SLC15A3: variants seen among roughly 807,000 people sequenced by gnomAD.
The protein encoded by SLC15A3 is osteoclast transporter.
A neutral mutation model predicts 49.2 loss-of-function variants in SLC15A3; 39 were observed. That is an observed-to-expected ratio of 0.79 (90% CI 0.61 to 1.04). The LOEUF is 1.04. Among genes scored for constraint, SLC15A3 ranks in the 50% least tolerant of loss-of-function variants. SLC15A3 has a pLI of 0.00. For synonymous variants in SLC15A3, 339 were observed against 367.0 expected (o/e 0.92, Z 0.87); for missense variants, 758 against 794.8 (o/e 0.95, Z 0.56).
rs1223448662 is a variant in SLC15A3 at position 60,939,465 on chromosome 11, G to A, written c.1435+15C>T. The A allele has an allele frequency of 1.2e-6, 2 of 1,613,078 alleles. No homozygotes were observed. The highest frequency in any genetic ancestry group is 2.2e-5 in the East Asian group (1 of 44,902). On this transcript the variant is annotated intron_variant, in intron 6 of 7. Coordinates refer to ENST00000227880, the MANE Select transcript of SLC15A3 (RefSeq NM_016582.3). Reference sequence around the variant, plus strand: ...CCATCACTGGTGCAGGAGCAGGGGAGGGGATCCAGGGTACCTGGGATGCTG... The same window carrying A: ...CCATCACTGGTGCAGGAGCAGGGGAAGGGATCCAGGGTACCTGGGATGCTG...
At position 60,941,202 on chromosome 11, in the gene SLC15A3, A is replaced by G. The variant is rs1856703304; in HGVS notation, c.1196T>C (p.Leu399Pro). ...LKDRLIDPLL[L>P]RCKLLPSALQ... is the part of the protein sequence containing the mutation. ...AGCAGAGGGAAGCAGCTTGCACCGC[A>G]GCAGTAAAGGGTCGATCAAGCGGTC... The change falls in exon 5 of 8, where the codon CTG (leucine) becomes CCG (proline). Residue 399 changes from leucine (L) to proline (P), a missense_variant. Physicochemically the swap from Leu to Pro is moderately conservative, Grantham distance 98. Around this residue, in one of 3 missense-constraint regions of SLC15A3, gnomAD observed 699 missense variants for 706.7 expected, o/e 0.99. Coordinates refer to ENST00000227880, the MANE Select transcript of SLC15A3 (RefSeq NM_016582.3). 6.2e-7 allele frequency: 1 copy of G among 1,614,186 alleles called. No individual in the cohort carries two copies. Among genetic ancestry groups the G allele is most frequent in the Non-Finnish European group, 8.5e-7 (1 of 1,180,018 alleles).
At chr11:60,942,880 T>C (rs1264482282) in intron 3 of SLC15A3, 2 of 152,272 alleles carry the variant, frequency 1.3e-5, no homozygotes, top group East Asian at 3.9e-4. Context: ...GAAGGGGGTA[T>C]GGAAGGCAAT....
rs2134945402 is a variant in SLC15A3 at position 60,950,928 on chromosome 11, T to G, written c.558+66A>C. On this transcript the variant is annotated intron_variant, in intron 1 of 7. Coordinates refer to ENST00000227880, the MANE Select transcript of SLC15A3 (RefSeq NM_016582.3). ...GGACCTGGTTTGTCCCAGGTCACGC[T>G]GGGGGCCAGCCCTCCTTCCCTCCAC... 3 of 1,368,982 alleles carry G rather than the reference T, an allele frequency of 2.2e-6. No homozygotes were observed. In the East Asian group the frequency reaches 9.2e-5, roughly 42 times the overall value. The allele number at this position is 1,368,982 out of a possible 1,614,324, so 84.8% of individuals were successfully genotyped here. A position where few individuals can be genotyped will look rare whatever the true frequency, so the allele number is the denominator to read the frequency against.
intron 2 of SLC15A3, among the ~76,000 whole-genome samples, chr11:60,944,287 C>T (rs12293273): frequency 6.4e-4 from 98 of 152,182 alleles, no homozygotes; most frequent in African/African-American, 2.3e-3. Flanking sequence ...GAAATCAGTA[C>T]CCTCATCTCC....
At chr11:60,943,573 T>G (rs1856750694) in intron 3 of SLC15A3, 116 bp downstream of exon 3, 1 of 1,187,678 alleles carries the variant, frequency 8.4e-7, no homozygotes, top group Non-Finnish European at 1.1e-6. Flanking sequence ...GCACCTCACT[T>G]TATTCCCAGA....
At position 60,946,732 on chromosome 11, in the gene SLC15A3, C is replaced by A; in HGVS notation, c.648G>T (p.Val216=). The change falls in exon 2 of 8, where the codon GTG becomes GTT. Residue 216 remains valine, a synonymous_variant. Transcript: ENST00000227880. The part of the protein sequence containing the change: ...INLGAVLSLL[V]VAFIQQNISF... ...TGATGTTCTGCTGAATAAACGCCAC[C>A]ACCAGCAGCGACAGCACAGCACCCA... 6.2e-7 allele frequency: 1 copy of A among 1,614,234 alleles called. No individual in the cohort carries two copies. Among genetic ancestry groups the A allele is most frequent in the Non-Finnish European group, 8.5e-7 (1 of 1,180,046 alleles).
In SLC15A3 at chr11:60,943,737, G is replaced by A. The variant is rs376512014; in HGVS notation, c.948C>T (p.Ile316=). ...GCACCAGGGTCACCATGACGGGCAA[G>A]ATCTTCACCAGCACCTGGAAGTTGG... ...DIANFQVLVK[I]LPVMVTLVPY... Residue 316 remains isoleucine (I), a synonymous_variant, in exon 3 of 8, where the codon ATC becomes ATT. Transcript: ENST00000227880. The A allele has an allele frequency of 1.9e-6, 3 of 1,605,164 alleles. No homozygotes were observed. Among genetic ancestry groups the A allele is most frequent in the Non-Finnish European group, 2.6e-6 (3 of 1,175,304 alleles).
chr11:60,941,326 G>C, intron 4 of SLC15A3, 36 bp from the exon 5 acceptor site: 2 of 1,587,926 alleles, frequency 1.3e-6, no homozygotes, highest in South Asian at 2.3e-5. Context: ...CAGGCTAGCA[G>C]AGTGCAAGGA....
intron 4 of SLC15A3, 23 bp downstream of exon 4, chr11:60,942,012 C>T (rs1389551453): frequency 1.1e-5 from 17 of 1,607,088 alleles, no homozygotes; most frequent in Middle Eastern, 1.6e-4. Context: ...AACTGGGTGC[C>T]GAACACATGC....
chr11:60,939,769 A>C, intron 5 of SLC15A3, 131 bp from the exon 6 acceptor site: 2 of 1,091,498 alleles, frequency 1.8e-6, no homozygotes, highest in Non-Finnish European at 1.3e-6. Flanking sequence ...AAGGAAAAGA[A>C]TGCTGGACTG....
At chr11:60,939,236 G>A (rs1208596915) in intron 6 of SLC15A3, among the ~76,000 whole-genome samples, 2 of 152,240 alleles carry the variant, frequency 1.3e-5, no homozygotes, top group African/African-American at 2.4e-5. Context: ...AGGGGAATAC[G>A]TGGAGAGCTG....
intron 6 of SLC15A3, 144 bp downstream of exon 6, chr11:60,939,336 G>T: frequency 2.2e-6 from 2 of 927,856 alleles, no homozygotes; most frequent in Non-Finnish European, 3.2e-6. Flanking sequence ...GACCCCCGTT[G>T]GGTGAATGAG....
rs781245273 is a variant in SLC15A3 at position 60,939,527 on chromosome 11, G to A, written c.1388C>T (p.Pro463Leu). ...ACTGATCCCAATGAGCAGGTACTGA[G>A]GGATCTGCCACCAGATGGACAGTGG... is the stretch of plus-strand genomic sequence containing the variant. ...AAPLSIWWQI[P>L]QYLLIGISEI... Residue 463 changes from proline (P) to leucine (L), a missense_variant, in exon 6 of 8, where the codon CCT (proline) becomes CTT (leucine). Coordinates refer to ENST00000227880, the MANE Select transcript of SLC15A3 (RefSeq NM_016582.3). 1.2e-6 allele frequency: 2 copies of A among 1,614,218 alleles called. No homozygotes were observed. Among genetic ancestry groups the A allele is most frequent in the Non-Finnish European group, 1.7e-6 (2 of 1,180,032 alleles).
In SLC15A3 at chr11:60,937,850, T is replaced by C; in HGVS notation, c.1591+20A>G. 6.2e-7 allele frequency: 1 copy of C among 1,611,064 alleles called. No individual in the cohort carries two copies. On this transcript the variant is annotated intron_variant, in intron 7 of 7. Transcript: ENST00000227880. ...CCTCCCTCCATCCATGTCCCACTCC[T>C]GGGGAGGCCCCATACTCACCAAAGT...
intron 7 of SLC15A3, 138 bp downstream of exon 7, chr11:60,937,732 G>T (rs1417420465): frequency 7.5e-6 from 9 of 1,202,868 alleles, no homozygotes; most frequent in Admixed American, 2.7e-5. Flanking sequence ...GACTGGCCAA[G>T]CCCGGGCTAG....
intron 5 of SLC15A3, chr11:60,939,909 G>A: frequency 2.4e-6 from 1 of 420,200 alleles, no homozygotes; most frequent in East Asian, 4.1e-5. Flanking sequence ...TTATGTGCTA[G>A]GCATTTACCA....
At chr11:60,941,518 G>A in intron 4 of SLC15A3, 1 of 487,772 alleles carries the variant, frequency 2.1e-6, no homozygotes, top group Non-Finnish European at 3.6e-6. Flanking sequence ...GGCTGATTAT[G>A]GAACATTTAT....
Position 60,951,216 on chromosome 11 carries a change from C to A in SLC15A3, c.336G>T (p.Leu112=). Residue 112 remains leucine, a synonymous_variant, in exon 1 of 8, where the codon CTG becomes CTT. Coordinates refer to ENST00000227880, the MANE Select transcript of SLC15A3 (RefSeq NM_016582.3). ...TGGCGGGCAGCAGGCCCGAGGCGGC[C>A]AGGTAGAGCAGCAGGCTGAGCGCGA... ...RAVALSLLLY[L]AASGLLPATA... The A allele has an allele frequency of 2.0e-6, 3 of 1,505,040 alleles. No homozygotes were observed. The highest frequency in any genetic ancestry group is 2.6e-6 in the Non-Finnish European group (3 of 1,132,876). 93.2% of individuals were successfully genotyped at this position (1,505,040 alleles called of 1,614,324 possible). A position where few individuals can be genotyped will look rare whatever the true frequency, so the allele number is the denominator to read the frequency against.
At chr11:60,945,521 C>T (rs1033418805) in intron 2 of SLC15A3, among the ~76,000 whole-genome samples, 24 of 152,242 alleles carry the variant, frequency 1.6e-4, no homozygotes, top group African/African-American at 5.8e-4. Context: ...CACTTCTCGG[C>T]TCCTGACAAC....
Sources: allele counts gnomAD v4.1 joint callset (sites outside exome capture counted in the v4.1 genomes callset), GRCh38; gene constraint gnomAD v4.1.1; regional missense constraint gnomAD v4.1.1; transcripts MANE v1.5; gene names NCBI Gene and HGNC (gene_info 2026-07-23, HGNC 2026-07-21).